Variants in HDHD5 observed in about 807,000 individuals in gnomAD.
HDHD5 encodes haloacid dehalogenase like hydrolase domain containing 5.
HDHD5 carries 34 observed loss-of-function variants against 35.5 expected under a neutral mutation model. The observed-to-expected ratio is 0.96, with a 90% confidence interval of 0.73 to 1.28. The LOEUF is 1.28. Ranked by LOEUF, HDHD5 falls within the 50% of genes most tolerant of loss-of-function variation. The pLI, the probability that HDHD5 is intolerant of heterozygous loss-of-function variation, is 0.00. For missense variants in HDHD5, 589 were observed against 560.2 expected (o/e 1.05, Z -0.52); for synonymous variants, 248 against 240.6 (o/e 1.03, Z -0.29).
chr22:17,137,958 A>G lies in HDHD5; in HGVS notation c.*63T>C. 1 of 1,420,396 alleles carries G rather than the reference A, an allele frequency of 7.0e-7. No homozygotes were observed. The highest frequency in any genetic ancestry group is 9.7e-7 in the Non-Finnish European group (1 of 1,032,506). 88.0% of individuals were successfully genotyped at this position (1,420,396 alleles called of 1,614,324 possible). ...GACCTGAGCCCAGTGATCAGGCCAG[A>G]GCCCAGCCAATGGGACTCGCCCACA... is the stretch of plus-strand genomic sequence containing the variant. On this transcript the variant is annotated 3_prime_UTR_variant, in exon 8 of 8. Transcript: ENST00000336737.
At chr22:17,148,025 C>G (rs1345018214) in intron 3 of HDHD5, among the ~76,000 whole-genome samples, 1 of 152,210 alleles carries the variant, frequency 6.6e-6, no homozygotes, top group Non-Finnish European at 1.5e-5. Flanking sequence ...GAGACAGGCT[C>G]CCGGTAGCTG....
intron 1 of HDHD5, among the ~76,000 whole-genome samples, chr22:17,157,076 T>TCTCACACACACACACTCTCA (rs1555881505): frequency 7.1e-5 from 4 of 56,114 alleles, no homozygotes; most frequent in African/African-American, 3.1e-4. Flanking sequence ...AGACACCGTC[T>TCTCACACACACACACTCTCA]CACACACATA....
intron 4 of HDHD5, among the ~76,000 whole-genome samples, chr22:17,144,568 T>C (rs575495508): frequency 3.3e-5 from 5 of 152,184 alleles, no homozygotes; most frequent in Non-Finnish European, 5.9e-5. Flanking sequence ...CATCCATCAC[T>C]GTGCCCAGCT....
intron 1 of HDHD5, chr22:17,158,429 G>C (rs925865977): frequency 6.6e-5 from 10 of 152,240 alleles, no homozygotes; most frequent in African/African-American, 2.4e-4. Flanking sequence ...CGGCCCAAGG[G>C]AGCGTGAGAG....
intron 5 of HDHD5, chr22:17,141,530 C>G (rs2061601283): frequency 1.7e-6 from 2 of 1,207,208 alleles, no homozygotes; most frequent in Non-Finnish European, 1.0e-6. Flanking sequence ...CTTCTCCTTG[C>G]TGGCTGGGAC....
chr22:17,159,028 T>TG lies in HDHD5; in HGVS notation c.126+97dup. ...ACGGTCCAGGCAGTTCCCAGGAGGC[T>TG]GGGATACCAGCCCGGCCGCCCCTCC... is the stretch of plus-strand genomic sequence containing the variant. On this transcript the variant is annotated intron_variant, in intron 1 of 7. Transcript: ENST00000336737. 2.8e-6 allele frequency: 3 copies of TG among 1,082,832 alleles called. No individual in the cohort carries two copies. In the South Asian group the frequency reaches 1.4e-4, roughly 50 times the overall value. 67.1% of individuals were successfully genotyped at this position (1,082,832 alleles called of 1,614,324 possible). A position where few individuals can be genotyped will look rare whatever the true frequency, so the allele number is the denominator to read the frequency against.
At chr22:17,151,520 A>G (rs756827473) in intron 1 of HDHD5, among the ~76,000 whole-genome samples, 1 of 152,126 alleles carries the variant, frequency 6.6e-6, no homozygotes, top group African/African-American at 2.4e-5. Context: ...ACTTGAGGTC[A>G]GGAGTTCAAG....
At chr22:17,158,326 A>T (rs1236148009) in intron 1 of HDHD5, 1 of 152,186 alleles carries the variant, frequency 6.6e-6, no homozygotes, top group East Asian at 1.9e-4. Context: ...AAAAAAAAAA[A>T]TGCAAGGATT....
rs116742752 is a variant in HDHD5 at position 17,140,568 on chromosome 22, G to A, written c.746+491C>T. On this transcript the variant is annotated intron_variant, in intron 6 of 7. Transcript: ENST00000336737. ...CCACTGCACTCCAGCCTGGATGAGAGAGTGAGACACTGTCCCCGCAAAAAA... is the reference window on the plus strand; with the variant it reads ...CCACTGCACTCCAGCCTGGATGAGAAAGTGAGACACTGTCCCCGCAAAAAA... Among the ~76,000 whole-genome samples, 1,467 of 152,196 alleles carry A rather than the reference G, an allele frequency of 9.6e-3. 22 individuals carry two copies. The highest frequency in any genetic ancestry group is 0.033 in the African/African-American group (1,352 of 41,522).
At chr22:17,160,108 G>T (rs1363636759), upstream of HDHD5, among the ~76,000 whole-genome samples, 1 of 152,220 alleles carries the variant, frequency 6.6e-6, no homozygotes, top group African/African-American at 2.4e-5. Flanking sequence ...GATGCCCTCA[G>T]ATTCTTTGGC....
rs201908299 is a variant in HDHD5, at chr22:17,138,215, G to C, written c.1078C>G (p.Leu360Val). The C allele has an allele frequency of 5.9e-5, 96 of 1,614,082 alleles. No homozygotes were observed. Among genetic ancestry groups the C allele is most frequent in the Non-Finnish European group, 7.6e-5 (90 of 1,180,054 alleles). Residue 360 changes from leucine (L) to valine (V), a missense_variant, in exon 8 of 8, where the codon CTG becomes GTG. By Grantham distance (32) the Leu-to-Val change is conservative (BLOSUM62 1). Transcript: ENST00000336737. ...GGATTGTAGACGCCTGTACACACCA[G>C]GATGGAGATGCAGCTCTGGCTTGCT... is the stretch of plus-strand genomic sequence containing the variant. ...PSASQSCISI[L>V]VCTGVYNPRN...
At position 17,157,271 on chromosome 22, in the gene HDHD5, C is replaced by CTTTTTTT. The variant is rs372356199; in HGVS notation, c.126+1848_126+1854dup. Among the ~76,000 whole-genome samples, 1,135 of 136,594 alleles carry CTTTTTTT rather than the reference C, an allele frequency of 8.3e-3. 76 individuals carry two copies. In the East Asian group the frequency reaches 0.11, roughly 13 times the overall value. The allele number at this position is 136,594 out of a possible 152,430, so 89.6% of individuals were successfully genotyped here. ...AGAAAGTTAAACTAAGGTTAATTTTCTTTTTTTTTTTTTTTGATAAGAGTC... is the reference window on the plus strand; with the variant it reads ...AGAAAGTTAAACTAAGGTTAATTTTCTTTTTTTTTTTTTTTTTTTTTTGATAAGAGTC... On this transcript the variant is annotated intron_variant, in intron 1 of 7. Transcript: ENST00000336737.
chr22:17,160,660 AAAT>A (rs1177120865), upstream of HDHD5, among the ~76,000 whole-genome samples: 103 of 149,078 alleles, frequency 6.9e-4, no homozygotes, highest in African/African-American at 1.1e-3. Context: ...AAAAAAAAAA[AAAT>A]AATAATAATA....
At chr22:17,148,004 G>A (rs978040017) in intron 3 of HDHD5, among the ~76,000 whole-genome samples, 9 of 152,204 alleles carry the variant, frequency 5.9e-5, no homozygotes, top group Middle Eastern at 3.2e-3. Flanking sequence ...GTATTATTCC[G>A]CAGGCTCCCA....
chr22:17,155,851 A>G (rs1436260608), intron 1 of HDHD5, among the ~76,000 whole-genome samples: 3 of 152,158 alleles, frequency 2.0e-5, no homozygotes, highest in African/African-American at 7.2e-5. Context: ...AGGAACTCAT[A>G]GCTGAAGAAG....
intron 3 of HDHD5, 41 bp from the exon 4 acceptor site, chr22:17,145,158 G>T (rs1211947854): frequency 1.2e-6 from 2 of 1,611,946 alleles, no homozygotes; most frequent in Non-Finnish European, 1.7e-6. Flanking sequence ...AGTTCTTGGG[G>T]AAGATGCCTT....
chr22:17,144,709 T>C (rs992694878), intron 4 of HDHD5, among the ~76,000 whole-genome samples: 1 of 151,922 alleles, frequency 6.6e-6, no homozygotes, highest in African/African-American at 2.4e-5. Context: ...CCACCATGCC[T>C]GGACAATTTT....
At chr22:17,154,833 G>T (rs1331065460) in intron 1 of HDHD5, among the ~76,000 whole-genome samples, 4 of 149,336 alleles carry the variant, frequency 2.7e-5, no homozygotes, top group East Asian at 1.9e-4. Context: ...GTCTCCCTAT[G>T]TTGCCCAGGC....
intron 5 of HDHD5, chr22:17,142,615 T>C (rs1291805491): frequency 6.5e-6 from 1 of 152,798 alleles, no homozygotes; most frequent in Non-Finnish European, 1.5e-5. Context: ...ATTTTACTTC[T>C]TGGATAACTA....
Sources: allele counts gnomAD v4.1 joint callset (sites outside exome capture counted in the v4.1 genomes callset), GRCh38; gene constraint gnomAD v4.1.1; transcripts MANE v1.5; gene names NCBI Gene and HGNC (gene_info 2026-07-23, HGNC 2026-07-21).